MINK1: variants seen among roughly 807,000 people sequenced by gnomAD.
MINK1 encodes the protein misshapen like kinase 1.
A neutral mutation model predicts 178.4 loss-of-function variants in MINK1; 46 were observed. The ratio of observed to expected loss-of-function variants is 0.26; its 90% CI spans 0.20 to 0.33. The LOEUF (loss-of-function observed/expected upper bound fraction) is 0.33, where lower values mean the gene tolerates loss of function less well. Ranked by LOEUF, MINK1 falls within the 10% of genes least tolerant of loss-of-function variation. MINK1 has a pLI of 1.00. For missense variants in MINK1, 1,366 were observed against 1,814.9 expected (o/e 0.75, Z 4.49); for synonymous variants, 797 against 709.7 (o/e 1.12, Z -1.96).
At position 4,892,659 on chromosome 17, in the gene MINK1, C is replaced by A; in HGVS notation, c.2202C>A (p.Asn734Lys). The A allele has an allele frequency of 6.2e-7, 1 of 1,604,340 alleles. No individual in the cohort carries two copies. Among genetic ancestry groups the A allele is most frequent in the Non-Finnish European group, 8.5e-7 (1 of 1,175,082 alleles). The part of the protein sequence containing the change: ...QPPGPPNASS[N>K]PDLRRSDPGW... ...CCTGACTCTGCCCCCCCAACAGTAA[C>A]CCCGACCTCAGGAGGAGCGACCCTG... The change falls in exon 19 of 32, where the codon AAC (asparagine) becomes AAA (lysine). Residue 734 changes from asparagine (N) to lysine (K), a missense_variant. Around this residue, in one of 14 missense-constraint regions of MINK1, gnomAD observed 709 missense variants for 692.3 expected, o/e 1.02. Coordinates refer to ENST00000355280, the MANE Select transcript of MINK1 (RefSeq NM_153827.5).
intron 21 of MINK1, 146 bp from the exon 22 acceptor site, chr17:4,893,842 G>C: frequency 1.2e-6 from 1 of 851,232 alleles, no homozygotes; most frequent in Non-Finnish European, 1.8e-6. Context: ...AGCACCTCAC[G>C]GTGGAGCAGG....
chr17:4,881,814 C>T (rs1433479142), intron 4 of MINK1, among the ~76,000 whole-genome samples: 3 of 152,258 alleles, frequency 2.0e-5, no homozygotes, highest in Non-Finnish European at 4.4e-5. Context: ...AGAGTCATTC[C>T]CCTCCCTAGC....
intron 4 of MINK1, among the ~76,000 whole-genome samples, chr17:4,881,748 G>A (rs2150994977): frequency 6.6e-6 from 1 of 152,354 alleles, no homozygotes; most frequent in East Asian, 1.9e-4. Flanking sequence ...AACAGAGCCT[G>A]CTGCAGAGCT....
chr17:4,873,612 C>CTTT (rs1966900292), intron 1 of MINK1, among the ~76,000 whole-genome samples: 1 of 110,846 alleles, frequency 9.0e-6, no homozygotes, highest in South Asian at 2.7e-4. Context: ...ACTCTTTTTT[C>CTTT]TTTTCTTTTT....
At chr17:4,838,409 T>G (rs1478042519) in intron 1 of MINK1, among the ~76,000 whole-genome samples, 1 of 152,204 alleles carries the variant, frequency 6.6e-6, no homozygotes, top group Non-Finnish European at 1.5e-5. Flanking sequence ...GAGAGCCAGC[T>G]GGCCCACCCC....
rs548347301 is a variant in MINK1 at position 4,871,352 on chromosome 17, C to T, written c.58-6965C>T. 9.9e-5 allele frequency among the ~76,000 whole-genome samples: 15 copies of T among 151,666 alleles called. No homozygotes were observed. In the East Asian group the frequency reaches 2.7e-3, roughly 27 times the overall value. ...ACTACAGGTACATGCCACCTTGCCTCACTAATTTTTTAAATTTTTTGTAGA... is the reference window on the plus strand; with the variant it reads ...ACTACAGGTACATGCCACCTTGCCTTACTAATTTTTTAAATTTTTTGTAGA... On this transcript the variant is annotated intron_variant, in intron 1 of 31. Coordinates refer to ENST00000355280, the MANE Select transcript of MINK1 (RefSeq NM_153827.5).
rs1968117038 is a variant in MINK1 at position 4,885,421 on chromosome 17, G to C, written c.509-62G>C. The C allele has an allele frequency of 2.5e-6, 4 of 1,593,578 alleles. No homozygotes were observed. The highest frequency in any genetic ancestry group is 1.8e-4 in the Middle Eastern group (1 of 5,676). ...GGCAAGTCCTGTGTGTGCACGCAGG[G>C]ATGTGAGGCAAGGGAGCAGAGGTGA... On this transcript the variant is annotated intron_variant, in intron 6 of 31. Coordinates refer to ENST00000355280, the MANE Select transcript of MINK1 (RefSeq NM_153827.5). This position sits in a 1 kb window ranked among gnomAD's most constrained non-coding sequence, Gnocchi z 5.0.
At chr17:4,897,142 C>G (rs1465547509) in intron 31 of MINK1, 62 bp from the exon 32 acceptor site, 1 of 1,402,580 alleles carries the variant, frequency 7.1e-7, no homozygotes, top group Admixed American at 1.9e-5. Context: ...TTCTTTCCCT[C>G]TCCCAGTTGA....
chr17:4,890,751 T>C lies in MINK1; in HGVS notation c.1566+16T>C. On this transcript the variant is annotated intron_variant, in intron 14 of 31. Coordinates refer to ENST00000355280, the MANE Select transcript of MINK1 (RefSeq NM_153827.5). ...GGCCCGAGAGGTACTCACTGCCTCC[T>C]TTGCCTCCTGAGACTGCAGTCCCAC... The C allele has an allele frequency of 1.3e-6, 2 of 1,540,824 alleles. No homozygotes were observed. Among genetic ancestry groups the C allele is most frequent in the Non-Finnish European group, 1.8e-6 (2 of 1,139,812 alleles).
At position 4,887,013 on chromosome 17, in the gene MINK1, C is replaced by A; in HGVS notation, c.950-97C>A. On this transcript the variant is annotated intron_variant, in intron 10 of 31. Transcript: ENST00000355280. This position sits in a 1 kb window ranked among gnomAD's most constrained non-coding sequence, Gnocchi z 7.6. ...GTGGGTGGGGCCCCTCATGCTTGCC[C>A]AGCCAGAGAGACCTGGTTATCCCCA... 1.5e-6 allele frequency: 2 copies of A among 1,332,712 alleles called. No homozygotes were observed. The highest frequency in any genetic ancestry group is 2.1e-6 in the Non-Finnish European group (2 of 961,686). 82.6% of individuals were successfully genotyped at this position (1,332,712 alleles called of 1,614,324 possible). A position where few individuals can be genotyped will look rare whatever the true frequency, so the allele number is the denominator to read the frequency against.
At chr17:4,893,812 C>T (rs369753242) in intron 21 of MINK1, 176 bp from the exon 22 acceptor site, 33 of 870,492 alleles carry the variant, frequency 3.8e-5, no homozygotes, top group Admixed American at 1.5e-4. Context: ...TGCCAGCCTG[C>T]CCTGTGTGCC....
At chr17:4,851,265 T>C (rs895058401) in intron 1 of MINK1, among the ~76,000 whole-genome samples, 4 of 152,172 alleles carry the variant, frequency 2.6e-5, no homozygotes, top group African/African-American at 4.8e-5. Flanking sequence ...TCTTGTGAAA[T>C]GGGCCTGGGT....
In MINK1 at chr17:4,895,081, T is replaced by C. The variant is rs749984814; in HGVS notation, c.2924T>C (p.Val975Ala). 6.2e-7 allele frequency: 1 copy of C among 1,613,308 alleles called. No individual in the cohort carries two copies. Among genetic ancestry groups the C allele is most frequent in the Non-Finnish European group, 8.5e-7 (1 of 1,179,908 alleles). Residue 975 changes from valine (V) to alanine (A), a missense_variant, in exon 25 of 32, where the codon GTG becomes GCG. Around this residue, in one of 14 missense-constraint regions of MINK1, gnomAD observed 709 missense variants for 692.3 expected, o/e 1.02. Coordinates refer to ENST00000355280, the MANE Select transcript of MINK1 (RefSeq NM_153827.5). The surrounding 1 kb of genome is among the most constrained non-coding windows in gnomAD (Gnocchi z 4.3). ...CTCCTCCTCCTTCTGGCAGCCCTAG[T>C]GGGTGGAGAGGGCACTCGGCTCGAC... ...SGDSIPITALVGGEGTRLDQL... is the reference protein window; with the variant it reads ...SGDSIPITALAGGEGTRLDQL...
At chr17:4,889,063 A>G (rs1477433888) in intron 12 of MINK1, among the ~76,000 whole-genome samples, 1 of 152,138 alleles carries the variant, frequency 6.6e-6, no homozygotes, top group Non-Finnish European at 1.5e-5. Flanking sequence ...TTGCAGAAGT[A>G]GGCACAAGTT....
intron 31 of MINK1, 42 bp from the exon 32 acceptor site, chr17:4,897,162 C>A (rs199639564): frequency 3.8e-6 from 6 of 1,562,890 alleles, no homozygotes; most frequent in African/African-American, 1.4e-5. Flanking sequence ...AGACACCCCC[C>A]CAACCTCAGC....
chr17:4,891,610 C>T lies in MINK1; in HGVS notation c.1895C>T (p.Ala632Val). 2 of 1,603,112 alleles carry T rather than the reference C, an allele frequency of 1.2e-6. No individual in the cohort carries two copies. The highest frequency in any genetic ancestry group is 1.7e-6 in the Non-Finnish European group (2 of 1,175,484). Residue 632 changes from alanine to valine, a missense_variant, in exon 16 of 32, where the codon GCC becomes GTC. By Grantham distance (64) the Ala-to-Val change is moderately conservative (BLOSUM62 0). Around this residue, in one of 14 missense-constraint regions of MINK1, gnomAD observed 709 missense variants for 692.3 expected, o/e 1.02. Transcript: ENST00000355280. ...AIPAPTATPSARGAVIRQNSD... is the reference protein window; with the variant it reads ...AIPAPTATPSVRGAVIRQNSD... ...CCCGCACCCACTGCCACGCCCAGTG[C>T]CCGAGGAGCTGTCATCCGCCAGAAT... is the stretch of plus-strand genomic sequence containing the variant.
chr17:4,834,417 T>A (rs1410406044), intron 1 of MINK1, among the ~76,000 whole-genome samples: 1 of 152,096 alleles, frequency 6.6e-6, no homozygotes, highest in Non-Finnish European at 1.5e-5. Context: ...CGACACATGC[T>A]ACATGTGGTC....
intron 1 of MINK1, among the ~76,000 whole-genome samples, chr17:4,849,551 C>T (rs1385341600): frequency 6.8e-6 from 1 of 147,900 alleles, no homozygotes; most frequent in Non-Finnish European, 1.5e-5. Context: ...CTAACTCTTG[C>T]CTGTCCCTGT....
intron 17 of MINK1, 59 bp downstream of exon 17, chr17:4,892,293 G>C (rs1968907351): frequency 6.6e-7 from 1 of 1,509,094 alleles, no homozygotes; most frequent in East Asian, 2.5e-5. Flanking sequence ...GGGAGTAGGG[G>C]GGGCACAGGG....
Sources: allele counts gnomAD v4.1 joint callset (sites outside exome capture counted in the v4.1 genomes callset), GRCh38; gene constraint gnomAD v4.1.1; regional missense constraint gnomAD v4.1.1; non-coding constraint Gnocchi (gnomAD v3.1); transcripts MANE v1.5; gene names NCBI Gene and HGNC (gene_info 2026-07-23, HGNC 2026-07-21).